Variants in DCC observed in about 807,000 individuals in gnomAD.
DCC encodes the protein netrin receptor DCC.
Under a neutral mutation model 172.5 loss-of-function variants are expected in DCC, and 58 were observed. The ratio of observed to expected loss-of-function variants is 0.34; its 90% CI spans 0.27 to 0.42. The LOEUF (loss-of-function observed/expected upper bound fraction) is 0.42, where lower values mean the gene tolerates loss of function less well. Ranked by LOEUF, DCC falls within the 10% of genes least tolerant of loss-of-function variation. DCC has a pLI of 1.00. For missense variants in DCC, 1,740 were observed against 1,791.0 expected, an observed-to-expected ratio of 0.97 and a Z score of 0.51; for synonymous variants, 709 against 644.5, an observed-to-expected ratio of 1.10 and a Z score of -1.52.
At chr18:52,510,200 C>G (rs149490056) in intron 1 of DCC, among the ~76,000 whole-genome samples, 26 of 151,876 alleles carry the variant, frequency 1.7e-4, no homozygotes, top group African/African-American at 4.8e-4. Flanking sequence ...CTTAGCTTGT[C>G]TTGTAACTCA....
chr18:52,943,108 TA>T (rs1877141785), intron 5 of DCC, among the ~76,000 whole-genome samples: 1 of 152,212 alleles, frequency 6.6e-6, no homozygotes, highest in Non-Finnish European at 1.5e-5. Context: ...TATCTTTTAC[TA>T]TATAGTTTTT....
At chr18:53,252,262 A>G (rs1489224102) in intron 12 of DCC, among the ~76,000 whole-genome samples, 4 of 151,886 alleles carry the variant, frequency 2.6e-5, no homozygotes, top group Non-Finnish European at 4.4e-5. Flanking sequence ...TACATACTGC[A>G]TAGGATTTTA....
intron 2 of DCC, among the ~76,000 whole-genome samples, chr18:52,835,545 T>A (rs2038689815): frequency 6.6e-6 from 1 of 152,210 alleles, no homozygotes. Context: ...TGTTATATCA[T>A]ACGATCCTAT....
rs201004196 is a variant in DCC at position 53,523,954 on chromosome 18, AAAG to A, written c.4112-2660_4112-2658del. On this transcript the variant is annotated intron_variant, in intron 27 of 28. Transcript: ENST00000442544. ...AAGTATTAAATTTATATTAATAAAA[AAAG>A]AAATAGTAAAATTATGATTATCAGA... Among the ~76,000 whole-genome samples the A allele has an allele frequency of 7.1e-3, 1,073 of 152,148 alleles. 10 individuals are homozygous for A. The highest frequency in any genetic ancestry group is 0.025 in the African/African-American group (1,033 of 41,506).
intron 2 of DCC, among the ~76,000 whole-genome samples, chr18:52,865,456 A>G (rs537365602): frequency 5.6e-4 from 85 of 152,154 alleles, no homozygotes; most frequent in Non-Finnish European, 9.7e-4. Flanking sequence ...ACTCCCACCA[A>G]TAGTGTAAAA....
chr18:52,819,884 AAT>A (rs1491426122), intron 2 of DCC, among the ~76,000 whole-genome samples: 2 of 145,044 alleles, frequency 1.4e-5, no homozygotes, highest in African/African-American at 5.5e-5. Flanking sequence ...ATGCCCAGCT[AAT>A]TTTTTTTTTA....
At position 52,899,500 on chromosome 18, in the gene DCC, TG is replaced by T. The variant is rs375796427; in HGVS notation, c.413-6543del. Among the ~76,000 whole-genome samples, 816 of 151,810 alleles carry T rather than the reference TG, an allele frequency of 5.4e-3. 6 individuals are homozygous for T. The highest frequency in any genetic ancestry group is 0.019 in the African/African-American group (785 of 41,392). On this transcript the variant is annotated intron_variant, in intron 2 of 28. Transcript: ENST00000442544. The stretch of plus-strand genomic sequence containing the variant: ...TCCCAAGTAGCTGGGGTTACAGACA[TG>T]TACCACCACGCCCATCTAATTTTTT...
chr18:53,367,969 G>T (rs985396810), intron 15 of DCC, among the ~76,000 whole-genome samples: 6 of 152,072 alleles, frequency 3.9e-5, no homozygotes, highest in African/African-American at 1.4e-4. Context: ...AGATCATATG[G>T]TAATTCTATT....
intron 5 of DCC, among the ~76,000 whole-genome samples, chr18:53,057,721 T>A (rs1454130300): frequency 6.6e-6 from 1 of 152,090 alleles, no homozygotes; most frequent in African/African-American, 2.4e-5. Context: ...AACTTAAAAA[T>A]TCATGGTACT....
intron 12 of DCC, among the ~76,000 whole-genome samples, chr18:53,223,903 G>C (rs1437688611): frequency 6.6e-6 from 1 of 152,060 alleles, no homozygotes; most frequent in Non-Finnish European, 1.5e-5. Context: ...TTTCCCAAAG[G>C]TATTTTGTGC....
chr18:52,374,574 T>G (rs1006157597), intron 1 of DCC, among the ~76,000 whole-genome samples: 2 of 152,098 alleles, frequency 1.3e-5, no homozygotes, highest in Non-Finnish European at 2.9e-5. Flanking sequence ...ACAAGAGAGA[T>G]CTAAGAACAC....
At chr18:52,777,533 C>T (rs1254443455) in intron 2 of DCC, among the ~76,000 whole-genome samples, 1 of 152,118 alleles carries the variant, frequency 6.6e-6, no homozygotes, top group Non-Finnish European at 1.5e-5. Context: ...TCTCAAGATC[C>T]TTAATTACAA....
At chr18:52,745,977 T>A (rs1018816035) in intron 1 of DCC, among the ~76,000 whole-genome samples, 5 of 152,232 alleles carry the variant, frequency 3.3e-5, no homozygotes, top group Admixed American at 1.3e-4. Flanking sequence ...TTCTGTTAAT[T>A]CATGTTTGTT....
At chr18:53,457,746 G>A (rs1197957276) in intron 23 of DCC, among the ~76,000 whole-genome samples, 1 of 152,134 alleles carries the variant, frequency 6.6e-6, no homozygotes, top group Non-Finnish European at 1.5e-5. Flanking sequence ...GAAAATAGGG[G>A]TTGTTTCAGA....
intron 7 of DCC, among the ~76,000 whole-genome samples, chr18:53,156,445 T>C (rs999204155): frequency 2.0e-5 from 3 of 149,994 alleles, no homozygotes; most frequent in Non-Finnish European, 4.4e-5. Flanking sequence ...ATCGTGCCAG[T>C]GCACTCCAGC....
At chr18:52,884,701 C>A (rs538364247) in intron 2 of DCC, among the ~76,000 whole-genome samples, 136 of 152,148 alleles carry the variant, frequency 8.9e-4, no homozygotes, top group Non-Finnish European at 1.4e-3. Flanking sequence ...ATCCCTGGTG[C>A]CTTATTTAGT....
At chr18:53,038,520 C>T (rs1418543501) in intron 5 of DCC, among the ~76,000 whole-genome samples, 1 of 151,944 alleles carries the variant, frequency 6.6e-6, no homozygotes, top group African/African-American at 2.4e-5. Flanking sequence ...AACACCTATA[C>T]ACTATCATTA....
chr18:52,786,388 G>A (rs1304553), intron 2 of DCC, among the ~76,000 whole-genome samples: 149,782 of 152,186 alleles, frequency 0.98, 73,757 homozygotes, highest in East Asian at 1. Flanking sequence ...AAAACAATTA[G>A]TGAGACAAGG....
chr18:53,048,489 TTGTGTGTG>T (rs71175550), intron 5 of DCC, among the ~76,000 whole-genome samples: 30,616 of 139,220 alleles, frequency 0.22, 3,432 homozygotes, highest in East Asian at 0.36. Flanking sequence ...ACTCCATGGT[TTGTGTGTG>T]TGTGTGTGTG....
Sources: gnomAD v4.1 joint callset for allele counts (sites outside exome capture counted in the v4.1 genomes callset) on GRCh38, gnomAD v4.1.1 for gene constraint, MANE v1.5 for transcripts, NCBI Gene and HGNC (gene_info 2026-07-23, HGNC 2026-07-21) for gene names.